FCHSD2: variants seen among roughly 807,000 people sequenced by gnomAD.
FCHSD2 encodes F-BAR and double SH3 domains protein 2.
A neutral mutation model predicts 108.1 loss-of-function variants in FCHSD2; 38 were observed. The ratio of observed to expected loss-of-function variants is 0.35; its 90% CI spans 0.27 to 0.46. FCHSD2 has a LOEUF of 0.46. Among genes scored for constraint, FCHSD2 ranks in the 20% least tolerant of loss-of-function variants. The probability of loss-of-function intolerance (pLI) is 1.00; values close to 1 mark genes in which losing one functional copy is unlikely to be tolerated. For missense variants in FCHSD2, 751 were observed against 897.8 expected (o/e 0.84, Z 2.09); for synonymous variants, 279 against 314.7 (o/e 0.89, Z 1.20).
At chr11:73,036,305 A>T (rs1858495671) in intron 3 of FCHSD2, among the ~76,000 whole-genome samples, 1 of 151,966 alleles carries the variant, frequency 6.6e-6, no homozygotes, top group Non-Finnish European at 1.5e-5. Flanking sequence ...ACAACCAAAG[A>T]AGTATAGGAA....
At chr11:72,924,204 T>G (rs934472325) in intron 8 of FCHSD2, among the ~76,000 whole-genome samples, 2 of 152,174 alleles carry the variant, frequency 1.3e-5, no homozygotes, top group African/African-American at 4.8e-5. Context: ...GCCTCCTAAA[T>G]AGCTGGGACC....
At chr11:72,895,272 G>A (rs751474858) in intron 10 of FCHSD2, among the ~76,000 whole-genome samples, 4 of 152,262 alleles carry the variant, frequency 2.6e-5, no homozygotes, top group Middle Eastern at 3.4e-3. Context: ...CATTAAGGCT[G>A]GGGTGAAGAA....
intron 3 of FCHSD2, among the ~76,000 whole-genome samples, chr11:73,023,102 G>C (rs912685631): frequency 6.6e-6 from 1 of 152,088 alleles, no homozygotes; most frequent in Non-Finnish European, 1.5e-5. Flanking sequence ...GAAACATTTA[G>C]AAGAACAGAG....
chr11:72,993,944 C>A (rs1029830218), intron 5 of FCHSD2, among the ~76,000 whole-genome samples: 1 of 151,978 alleles, frequency 6.6e-6, no homozygotes, highest in African/African-American at 2.4e-5. Flanking sequence ...GATAGAAAAG[C>A]CAGGCTTTGG....
intron 2 of FCHSD2, among the ~76,000 whole-genome samples, chr11:73,125,001 A>C (rs1353524589): frequency 3.9e-5 from 6 of 152,200 alleles, no homozygotes; most frequent in Admixed American, 2.0e-4. Flanking sequence ...GCCAGAAGAC[A>C]CTGGAGTGAC....
chr11:72,908,603 T>C (rs954999566), intron 9 of FCHSD2, among the ~76,000 whole-genome samples: 10 of 152,230 alleles, frequency 6.6e-5, no homozygotes, highest in African/African-American at 2.2e-4. Context: ...AATATCTTAC[T>C]GTAGTTTTGA....
intron 13 of FCHSD2, among the ~76,000 whole-genome samples, chr11:72,855,001 C>T (rs1861386743): frequency 6.6e-6 from 1 of 151,942 alleles, no homozygotes; most frequent in Non-Finnish European, 1.5e-5. Context: ...AGGCCAGGCA[C>T]GGTGGCTCAC....
chr11:72,861,007 G>T (rs540496251), intron 13 of FCHSD2, among the ~76,000 whole-genome samples: 2 of 151,840 alleles, frequency 1.3e-5, no homozygotes, highest in South Asian at 4.2e-4. Context: ...TTAGAAAGGA[G>T]AAAATTAAAT....
intron 8 of FCHSD2, among the ~76,000 whole-genome samples, chr11:72,959,583 T>C (rs1856785059): frequency 6.6e-6 from 1 of 152,024 alleles, no homozygotes; most frequent in Non-Finnish European, 1.5e-5. Context: ...AGACCGTCAA[T>C]TTAGGGTTGC....
At chr11:73,131,959 TTGAATCAGTCAC>T in intron 2 of FCHSD2, among the ~76,000 whole-genome samples, 1 of 152,314 alleles carries the variant, frequency 6.6e-6, no homozygotes. Context: ...TCTCATTTTT[TTGAATCAGTCAC>T]TGACATCCAT....
intron 3 of FCHSD2, among the ~76,000 whole-genome samples, chr11:73,073,918 G>T (rs1228846646): frequency 6.6e-6 from 1 of 151,978 alleles, no homozygotes. Flanking sequence ...TTGACTTAAA[G>T]ATTCAAACCA....
chr11:72,874,271 C>T (rs555704222), intron 12 of FCHSD2, among the ~76,000 whole-genome samples: 2 of 152,196 alleles, frequency 1.3e-5, no homozygotes, highest in Admixed American at 6.5e-5. Context: ...ACTGCAGCCT[C>T]GAACTGCTGG....
chr11:73,093,631 C>G (rs544513637), intron 2 of FCHSD2, among the ~76,000 whole-genome samples: 2 of 151,816 alleles, frequency 1.3e-5, no homozygotes, highest in Admixed American at 1.3e-4. Context: ...GACCGAGTTT[C>G]GCTCTTGTTG....
At chr11:72,856,090 C>T (rs997259246) in intron 13 of FCHSD2, among the ~76,000 whole-genome samples, 1 of 152,166 alleles carries the variant, frequency 6.6e-6, no homozygotes, top group African/African-American at 2.4e-5. Context: ...CAGGATTGGC[C>T]TTCATAGGAG....
intron 3 of FCHSD2, among the ~76,000 whole-genome samples, chr11:73,031,255 A>T (rs1858353800): frequency 6.6e-6 from 1 of 152,158 alleles, no homozygotes; most frequent in African/African-American, 2.4e-5. Flanking sequence ...AGGCAGGTGG[A>T]TTGCTAGAGC....
At chr11:72,931,694 G>A (rs554731523) in intron 8 of FCHSD2, among the ~76,000 whole-genome samples, 8 of 152,194 alleles carry the variant, frequency 5.3e-5, no homozygotes, top group African/African-American at 1.9e-4. Flanking sequence ...GGACCCGGGA[G>A]GTGGAGGTTG....
chr11:72,991,882 T>G (rs1272654515), intron 5 of FCHSD2, among the ~76,000 whole-genome samples: 5 of 152,122 alleles, frequency 3.3e-5, no homozygotes, highest in African/African-American at 1.2e-4. Context: ...ACCACTCCTA[T>G]TCAACATAGT....
At chr11:72,944,831 T>A (rs755956945) in intron 8 of FCHSD2, among the ~76,000 whole-genome samples, 1 of 152,014 alleles carries the variant, frequency 6.6e-6, no homozygotes, top group Non-Finnish European at 1.5e-5. Context: ...TACCTAGGAA[T>A]CCAACTTACA....
At chr11:73,109,069 C>A (rs996913352) in intron 2 of FCHSD2, among the ~76,000 whole-genome samples, 1 of 152,120 alleles carries the variant, frequency 6.6e-6, no homozygotes, top group African/African-American at 2.4e-5. Context: ...CTTTTGGGTT[C>A]TCTATTCTGT....
Sources: gnomAD v4.1 joint callset for allele counts (sites outside exome capture counted in the v4.1 genomes callset) on GRCh38, gnomAD v4.1.1 for gene constraint, MANE v1.5 for transcripts, NCBI Gene and HGNC (gene_info 2026-07-23, HGNC 2026-07-21) for gene names.